GLYATL3: variants seen among roughly 807,000 people sequenced by gnomAD.
The protein encoded by GLYATL3 is glycine N-acyltransferase-like protein 3.
Under a neutral mutation model 28.5 loss-of-function variants are expected in GLYATL3, and 31 were observed. The observed-to-expected ratio is 1.09, with a 90% CI of 0.82 to 1.47. GLYATL3 has a LOEUF of 1.47. Among genes scored for constraint, GLYATL3 ranks in the 40% most tolerant of loss-of-function variants. The pLI is 0.00. For synonymous variants in GLYATL3, 141 were observed against 140.2 expected (o/e 1.01, Z -0.04); for missense variants, 369 against 351.5 (o/e 1.05, Z -0.40).
chr6:49,500,162 A>T (rs750397012), intron 1 of GLYATL3, 120 bp downstream of exon 1: 1 of 152,218 alleles, frequency 6.6e-6, no homozygotes, highest in African/African-American at 2.4e-5. Flanking sequence ...CATTGTAATT[A>T]GGTTTCAAGG....
intron 3 of GLYATL3, among the ~76,000 whole-genome samples, chr6:49,517,025 G>C (rs142447654): frequency 6.6e-6 from 1 of 150,666 alleles, no homozygotes; most frequent in South Asian, 2.1e-4. Context: ...GTGTGGTGGC[G>C]TGCACCTGTA....
At position 49,511,995 on chromosome 6, in the gene GLYATL3, TG is replaced by T; in HGVS notation, c.7del (p.Val3CysfsTer2). M[L>X]VLNCSTKLLI... Reference sequence around the variant, plus strand: ...GTTGCAAGAGCTCTGGAAAAGATGTTGGTGCTAAACTGTTCTACCAAATTAC... The same window carrying T: ...GTTGCAAGAGCTCTGGAAAAGATGTTGTGCTAAACTGTTCTACCAAATTAC... On this transcript the variant is annotated frameshift_variant, in exon 2 of 6. Coordinates refer to ENST00000371197, the MANE Select transcript of GLYATL3 (RefSeq NM_001010904.2). LOFTEE classifies it high-confidence loss of function. 1 of 1,481,464 alleles carries T rather than the reference TG, an allele frequency of 6.8e-7. No individual in the cohort carries two copies. The highest frequency in any genetic ancestry group is 9.2e-7 in the Non-Finnish European group (1 of 1,090,766). 91.8% of individuals were successfully genotyped at this position (1,481,464 alleles called of 1,614,324 possible). A position where few individuals can be genotyped will look rare whatever the true frequency, so the allele number is the denominator to read the frequency against.
At chr6:49,505,526 A>G (rs1444780645) in intron 1 of GLYATL3, among the ~76,000 whole-genome samples, 1 of 152,354 alleles carries the variant, frequency 6.6e-6, no homozygotes, top group African/African-American at 2.4e-5. Flanking sequence ...GCCTCTCATC[A>G]TGATGAATGA....
chr6:49,526,804 A>ATGTC lies in GLYATL3; in HGVS notation c.757_758insTGTC (p.Asn253MetfsTer15). 6.4e-7 allele frequency: 1 copy of ATGTC among 1,552,134 alleles called. No individual in the cohort carries two copies. The highest frequency in any genetic ancestry group is 1.7e-4 in the Middle Eastern group (1 of 5,998). On this transcript the variant is annotated frameshift_variant, in exon 6 of 6. Coordinates refer to ENST00000371197, the MANE Select transcript of GLYATL3 (RefSeq NM_001010904.2). LOFTEE classifies it high-confidence loss of function. ...CTCTCAGGGGAACGTCCTGGATGAC[A>ATGTC]ACACGGCGTCTATAAGCCTCCTGAA...
At chr6:49,505,745 C>T (rs1769000431) in intron 1 of GLYATL3, among the ~76,000 whole-genome samples, 1 of 152,190 alleles carries the variant, frequency 6.6e-6, no homozygotes, top group African/African-American at 2.4e-5. Context: ...CACTGACATC[C>T]TAACCCAATC....
chr6:49,522,151 A>T (rs1444756974), intron 5 of GLYATL3, among the ~76,000 whole-genome samples: 3 of 152,144 alleles, frequency 2.0e-5, no homozygotes, highest in African/African-American at 4.8e-5. Flanking sequence ...GGATGGGGGT[A>T]TATAGCTGAC....
intron 1 of GLYATL3, among the ~76,000 whole-genome samples, chr6:49,507,799 G>A (rs1331707380): frequency 6.6e-6 from 1 of 152,106 alleles, no homozygotes; most frequent in Non-Finnish European, 1.5e-5. Flanking sequence ...CTGAGTCCAG[G>A]GGGGTCACCA....
intron 1 of GLYATL3, among the ~76,000 whole-genome samples, chr6:49,510,884 C>T (rs1444300172): frequency 6.6e-6 from 1 of 152,212 alleles, no homozygotes; most frequent in East Asian, 1.9e-4. Context: ...TCCAGAGGTT[C>T]AGGCTCACAT....
At chr6:49,511,297 C>T (rs1458257897) in intron 1 of GLYATL3, among the ~76,000 whole-genome samples, 1 of 152,136 alleles carries the variant, frequency 6.6e-6, no homozygotes, top group Non-Finnish European at 1.5e-5. Context: ...GCATACATTA[C>T]ATTTAGGCCC....
At chr6:49,501,984 G>A (rs1228233780) in intron 1 of GLYATL3, among the ~76,000 whole-genome samples, 2 of 152,202 alleles carry the variant, frequency 1.3e-5, no homozygotes, top group Non-Finnish European at 2.9e-5. Flanking sequence ...GCAGGGGGAA[G>A]CACATCACGT....
chr6:49,508,629 T>C (rs1013829748), intron 1 of GLYATL3, among the ~76,000 whole-genome samples: 3 of 152,220 alleles, frequency 2.0e-5, no homozygotes, highest in Non-Finnish European at 2.9e-5. Flanking sequence ...TATCTGCTTT[T>C]CTGGGATAGG....
intron 5 of GLYATL3, among the ~76,000 whole-genome samples, chr6:49,525,748 T>A (rs138277846): frequency 6.6e-6 from 1 of 151,976 alleles, no homozygotes; most frequent in Non-Finnish European, 1.5e-5. Context: ...TTAGGTATAT[T>A]TGGGCATGGT....
At chr6:49,514,979 A>T (rs1769187953) in intron 2 of GLYATL3, among the ~76,000 whole-genome samples, 1 of 152,172 alleles carries the variant, frequency 6.6e-6, no homozygotes, top group Non-Finnish European at 1.5e-5. Context: ...AGAAAGAATT[A>T]TAATATTATT....
At chr6:49,509,954 CTTTCTTTCTTTCTTTCTTT>C (rs1769085723) in intron 1 of GLYATL3, among the ~76,000 whole-genome samples, 4 of 58,222 alleles carry the variant, frequency 6.9e-5, no homozygotes, top group Non-Finnish European at 1.0e-4. Context: ...CTTTCTCTTT[CTTTCTTTCTTTCTTTCTTT>C]CTTTCTTTCT....
chr6:49,503,347 T>C (rs1460740795), intron 1 of GLYATL3, among the ~76,000 whole-genome samples: 25 of 152,238 alleles, frequency 1.6e-4, no homozygotes, highest in Non-Finnish European at 4.4e-5. Context: ...CAAACTCTCA[T>C]ACCAGTCATA....
At chr6:49,514,560 G>A (rs1769179002) in intron 2 of GLYATL3, among the ~76,000 whole-genome samples, 3 of 152,166 alleles carry the variant, frequency 2.0e-5, no homozygotes, top group African/African-American at 7.2e-5. Flanking sequence ...GCTGCATATG[G>A]TGGCTCATGC....
intron 2 of GLYATL3, 28 bp from the exon 3 acceptor site, chr6:49,515,625 T>C (rs1307002938): frequency 5.4e-6 from 7 of 1,297,070 alleles, no homozygotes; most frequent in Non-Finnish European, 5.5e-6. Flanking sequence ...ATAGTATGAT[T>C]GGCTTGTCTC....
intron 2 of GLYATL3, among the ~76,000 whole-genome samples, chr6:49,514,544 T>G (rs1371938536): frequency 6.6e-6 from 1 of 152,146 alleles, no homozygotes; most frequent in Non-Finnish European, 1.5e-5. Context: ...TAGATAAAAA[T>G]ATGTGGCTGC....
chr6:49,512,214 G>T, intron 2 of GLYATL3, 146 bp downstream of exon 2: 1 of 433,504 alleles, frequency 2.3e-6, no homozygotes, highest in Non-Finnish European at 4.0e-6. Context: ...GCTCCCTCCT[G>T]CTAGAGACAG....
Sources: allele counts gnomAD v4.1 joint callset (sites outside exome capture counted in the v4.1 genomes callset), GRCh38; gene constraint gnomAD v4.1.1; transcripts MANE v1.5; gene names NCBI Gene and HGNC (gene_info 2026-07-23, HGNC 2026-07-21).